The following SNX17 variants were observed in gnomAD, a reference collection of about 807,000 sequenced individuals.
SNX17 encodes sorting nexin-17.
In SNX17, 35 loss-of-function variants were observed where a neutral mutation model predicts 64.3. That is an observed-to-expected ratio of 0.54 (90% CI 0.42 to 0.72). The LOEUF is 0.72. SNX17 is among the 30% of genes least tolerant of loss of function. The probability of loss-of-function intolerance (pLI) is 0.00; values close to 1 mark genes in which losing one functional copy is unlikely to be tolerated. For missense variants in SNX17, 538 were observed against 610.0 expected, an observed-to-expected ratio of 0.88 and a Z score of 1.24; for synonymous variants, 259 against 230.2, an observed-to-expected ratio of 1.13 and a Z score of -1.13.
In SNX17 at chr2:27,376,368, T is replaced by C. The variant is rs1683227990; in HGVS notation, c.1238T>C (p.Val413Ala). The C allele has an allele frequency of 6.2e-7, 1 of 1,613,344 alleles. No homozygotes were observed. The highest frequency in any genetic ancestry group is 8.5e-7 in the Non-Finnish European group (1 of 1,179,602). Residue 413 changes from valine to alanine, a missense_variant, in exon 13 of 15, where the codon GTG becomes GCG. Physicochemically the swap from Val to Ala is moderately conservative, Grantham distance 64 (BLOSUM62 0). This residue lies in a region of SNX17 where 505 missense variants were observed against 550.4 expected (regional missense o/e 0.92). Transcript: ENST00000233575. The stretch of plus-strand genomic sequence containing the variant: ...AGACGCTCAGACAGCCAGCAAGCAG[T>C]GAAGTCCCCACCACTGCTTGTAAGT... ...TLRRSDSQQAVKSPPLLESPD... is the reference protein window; with the variant it reads ...TLRRSDSQQAAKSPPLLESPD...
chr2:27,371,305 C>T lies in SNX17; in HGVS notation c.100C>T (p.Arg34Trp). 1 of 1,613,426 alleles carries T rather than the reference C, an allele frequency of 6.2e-7. No homozygotes were observed. Among genetic ancestry groups the T allele is most frequent in the Non-Finnish European group, 8.5e-7 (1 of 1,179,946 alleles). ...TCACGTGAATGGAGTCCTGCACTGT[C>T]GGGTGCGCTACAGCCAGCTCCTGGG... Reference protein sequence around the residue: ...NIHVNGVLHCRVRYSQLLGLH... With the variant: ...NIHVNGVLHCWVRYSQLLGLH... Residue 34 changes from arginine to tryptophan, a missense_variant, in exon 2 of 15, where the codon CGG (arginine) becomes TGG (tryptophan). Physicochemically the swap from Arg to Trp is moderately radical, Grantham distance 101. This residue lies in a region of SNX17 where 6 missense variants were observed against 21.4 expected (regional missense o/e 0.28). Transcript: ENST00000233575.
rs1345579928 is a variant in SNX17 at position 27,373,939 on chromosome 2, C to A, written c.400C>A (p.Leu134Ile). The change falls in exon 5 of 15, where the codon CTA (leucine) becomes ATA (isoleucine). Residue 134 changes from leucine (L) to isoleucine (I), a missense_variant. Physicochemically the swap from Leu to Ile is conservative, Grantham distance 5. Around this residue, in one of 3 missense-constraint regions of SNX17, gnomAD observed 505 missense variants for 550.4 expected, o/e 0.92. Transcript: ENST00000233575. The part of the protein sequence containing the change: ...SNGQKVLVNV[L>I]TSDQTEDVLE... ...CGGGCAGAAAGTTCTGGTCAACGTG[C>A]TAACTTCAGATCAGACTGAGGATGT... is the stretch of plus-strand genomic sequence containing the variant. The A allele has an allele frequency of 4.3e-6, 7 of 1,614,184 alleles. No homozygotes were observed. The highest frequency in any genetic ancestry group is 5.9e-6 in the Non-Finnish European group (7 of 1,180,016).
At position 27,376,843 on chromosome 2, in the gene SNX17, C is replaced by T. The variant is rs1050510; in HGVS notation, c.*124C>T. Reference sequence around the variant, plus strand: ...TTCTTCTTTCCTACCTACCCCTTTTCTCTTGGCCAGGGGCCTCGTATCCTA... The same window carrying T: ...TTCTTCTTTCCTACCTACCCCTTTTTTCTTGGCCAGGGGCCTCGTATCCTA... On this transcript the variant is annotated 3_prime_UTR_variant, in exon 15 of 15. Transcript: ENST00000233575. 1.3e-6 allele frequency: 1 copy of T among 782,670 alleles called. No individual in the cohort carries two copies. The highest frequency in any genetic ancestry group is 2.7e-5 in the East Asian group (1 of 37,458). 48.5% of individuals were successfully genotyped at this position (782,670 alleles called of 1,614,324 possible).
chr2:27,371,805 CTCCT>C (rs1682597693), intron 2 of SNX17, among the ~76,000 whole-genome samples: 2 of 152,218 alleles, frequency 1.3e-5, no homozygotes, highest in African/African-American at 4.8e-5. Context: ...AATGTTTCTC[CTCCT>C]TCCTTACCAG....
chr2:27,377,120 T>C lies in SNX17; in HGVS notation c.*401T>C. 5 of 407,634 alleles carry C rather than the reference T, an allele frequency of 1.2e-5. No homozygotes were observed. The highest frequency in any genetic ancestry group is 2.3e-5 in the Non-Finnish European group (5 of 217,194). 25.3% of individuals were successfully genotyped at this position (407,634 alleles called of 1,614,324 possible). A position where few individuals can be genotyped will look rare whatever the true frequency, so the allele number is the denominator to read the frequency against. ...TCCCCATCATTAAACTCAGCCTGACTGCTGCCTACCTCTGGTTCCCTCTCA... is the reference window on the plus strand; with the variant it reads ...TCCCCATCATTAAACTCAGCCTGACCGCTGCCTACCTCTGGTTCCCTCTCA... On this transcript the variant is annotated 3_prime_UTR_variant, in exon 15 of 15. Transcript: ENST00000233575. The surrounding 1 kb of genome is among the most constrained non-coding windows in gnomAD (Gnocchi z 4.4).
At position 27,372,648 on chromosome 2, in the gene SNX17, T is replaced by C. The variant is rs200553935; in HGVS notation, c.164T>C (p.Val55Ala). Residue 55 changes from valine to alanine, a missense_variant, in exon 3 of 15, where the codon GTG (valine) becomes GCG (alanine). Val to Ala is a moderately conservative substitution (Grantham distance 64, BLOSUM62 0). Around this residue, in one of 3 missense-constraint regions of SNX17, gnomAD observed 505 missense variants for 550.4 expected, o/e 0.92. Coordinates refer to ENST00000233575, the MANE Select transcript of SNX17 (RefSeq NM_014748.4). ...EQLRKEYGAN[V>A]LPAFPPKKLF... Reference sequence around the variant, plus strand: ...CTTCGGAAGGAGTATGGGGCCAATGTGCTTCCTGCATTCCCCCCAAAGAAG... The same window carrying C: ...CTTCGGAAGGAGTATGGGGCCAATGCGCTTCCTGCATTCCCCCCAAAGAAG... The C allele has an allele frequency of 5.4e-5, 87 of 1,614,106 alleles. No homozygotes were observed. Among genetic ancestry groups the C allele is most frequent in the Middle Eastern group, 3.3e-4 (2 of 6,084 alleles).
chr2:27,376,330 G>T lies in SNX17; in HGVS notation c.1200G>T (p.Val400=), dbSNP rs143667368. ...GTCCCCAGATGCTGCGCCGGCGGGTGGGGGGTACTCTGAGACGCTCAGACA... is the reference window on the plus strand; with the variant it reads ...GTCCCCAGATGCTGCGCCGGCGGGTTGGGGGTACTCTGAGACGCTCAGACA... ...GSIRKMLRRR[V]GGTLRRSDSQ... Residue 400 remains valine, a synonymous_variant, in exon 13 of 15, where the codon GTG becomes GTT. Coordinates refer to ENST00000233575, the MANE Select transcript of SNX17 (RefSeq NM_014748.4). The T allele has an allele frequency of 3.4e-5, 55 of 1,611,512 alleles. No individual in the cohort carries two copies. The highest frequency in any genetic ancestry group is 4.0e-5 in the Non-Finnish European group (47 of 1,178,164).
Position 27,377,106 on chromosome 2 carries a change from A to C in SNX17, c.*387A>C. Reference sequence around the variant, plus strand: ...TGGTCTGGCCCAGTTCCCCATCATTAAACTCAGCCTGACTGCTGCCTACCT... The same window carrying C: ...TGGTCTGGCCCAGTTCCCCATCATTCAACTCAGCCTGACTGCTGCCTACCT... On this transcript the variant is annotated 3_prime_UTR_variant, in exon 15 of 15. Transcript: ENST00000233575. The surrounding 1 kb of genome is among the most constrained non-coding windows in gnomAD (Gnocchi z 4.4). The C allele has an allele frequency of 2.5e-6, 1 of 404,526 alleles. No individual in the cohort carries two copies. The allele number at this position is 404,526 out of a possible 1,614,324, so 25.1% of individuals were successfully genotyped here.
chr2:27,377,371 C>G lies in SNX17; in HGVS notation c.*652C>G. The G allele has an allele frequency of 1.3e-6, 1 of 742,354 alleles. No individual in the cohort carries two copies. The allele number at this position is 742,354 out of a possible 1,614,324, so 46.0% of individuals were successfully genotyped here. On this transcript the variant is annotated 3_prime_UTR_variant, in exon 15 of 15. Transcript: ENST00000233575. The surrounding 1 kb of genome is among the most constrained non-coding windows in gnomAD (Gnocchi z 4.4). ...AATACAGGGCCCTTCTCACTGAGCTCGTGAAGTGCCTCAGTCAAGGCAAGG... is the reference window on the plus strand; with the variant it reads ...AATACAGGGCCCTTCTCACTGAGCTGGTGAAGTGCCTCAGTCAAGGCAAGG...
In SNX17 at chr2:27,375,566, G is replaced by C. The variant is rs779040540; in HGVS notation, c.835G>C (p.Ala279Pro). ...YGYLRFDACV[A>P]DFPEKDCPVV... ...CTACTTGCGCTTTGATGCCTGTGTG[G>C]CTGACTTCCCAGAAAAGGACTGTCC... The change falls in exon 10 of 15, where the codon GCT becomes CCT. Residue 279 changes from alanine to proline, a missense_variant. Ala to Pro is a conservative substitution (Grantham distance 27, BLOSUM62 -1). Coordinates refer to ENST00000233575, the MANE Select transcript of SNX17 (RefSeq NM_014748.4). This position sits in a 1 kb window ranked among gnomAD's most constrained non-coding sequence, Gnocchi z 4.1. The C allele has an allele frequency of 6.2e-7, 1 of 1,614,196 alleles. No homozygotes were observed. The highest frequency in any genetic ancestry group is 1.1e-5 in the South Asian group (1 of 91,090).
intron 5 of SNX17, 47 bp from the exon 6 acceptor site, chr2:27,374,038 T>C (rs1682906095): frequency 5.6e-6 from 9 of 1,610,160 alleles, no homozygotes; most frequent in Middle Eastern, 3.3e-4. Flanking sequence ...TGGAGAATGA[T>C]TGGAACCAGC....
chr2:27,371,179 G>A, intron 1 of SNX17, 90 bp from the exon 2 acceptor site: 1 of 1,167,788 alleles, frequency 8.6e-7, no homozygotes, highest in Non-Finnish European at 1.3e-6. Context: ...GCGTTACTCC[G>A]GCGAGTTGCC....
In SNX17 at chr2:27,375,836, C is replaced by T. The variant is rs1489288212; in HGVS notation, c.979-10C>T. ...GAGTGAACTCAACCGAATTCCCCTT[C>T]CTCTCCCAGGTACCATTGCCCAGTG... On this transcript the variant is annotated splice_polypyrimidine_tract_variant and intron_variant, in intron 10 of 14. Coordinates refer to ENST00000233575, the MANE Select transcript of SNX17 (RefSeq NM_014748.4). The surrounding 1 kb of genome is among the most constrained non-coding windows in gnomAD (Gnocchi z 4.1). The T allele has an allele frequency of 2.5e-6, 4 of 1,613,464 alleles. No individual in the cohort carries two copies. The highest frequency in any genetic ancestry group is 3.3e-5 in the Admixed American group (2 of 59,990).
intron 4 of SNX17, 56 bp from the exon 5 acceptor site, chr2:27,373,805 T>C (rs1682879993): frequency 7.7e-7 from 1 of 1,300,044 alleles, no homozygotes; most frequent in Non-Finnish European, 1.1e-6. Flanking sequence ...GAGTTGGGCA[T>C]AGGTCAAGGC....
In SNX17 at chr2:27,373,903, C is replaced by T. The variant is rs759558257; in HGVS notation, c.364C>T (p.Leu122=). The change falls in exon 5 of 15, where the codon CTG becomes TTG. Residue 122 remains leucine, a synonymous_variant. Transcript: ENST00000233575. The part of the protein sequence containing the change: ...VPTEEVSLEV[L]LSNGQKVLVN... ...CACAGAGGAAGTGTCCTTGGAAGTGCTGCTCAGCAACGGGCAGAAAGTTCT... is the reference window on the plus strand; with the variant it reads ...CACAGAGGAAGTGTCCTTGGAAGTGTTGCTCAGCAACGGGCAGAAAGTTCT... 3.1e-6 allele frequency: 5 copies of T among 1,614,028 alleles called. No individual in the cohort carries two copies. The African/African-American group carries it at 6.7e-5, about 22-fold the overall frequency.
Position 27,374,185 on chromosome 2 carries a change from T to G in SNX17, c.523+10T>G. The stretch of plus-strand genomic sequence containing the variant: ...GATGGAGCCTTTTCTTGTGAGTTTC[T>G]CTGGACTTGACTGCAGTACAAGGGT... On this transcript the variant is annotated intron_variant, in intron 6 of 14. Coordinates refer to ENST00000233575, the MANE Select transcript of SNX17 (RefSeq NM_014748.4). 1 of 1,612,756 alleles carries G rather than the reference T, an allele frequency of 6.2e-7. No individual in the cohort carries two copies. Among genetic ancestry groups the G allele is most frequent in the Non-Finnish European group, 8.5e-7 (1 of 1,179,208 alleles).
chr2:27,375,757 G>A lies in SNX17; in HGVS notation c.978+48G>A, dbSNP rs774223237. On this transcript the variant is annotated intron_variant, in intron 10 of 14. Coordinates refer to ENST00000233575, the MANE Select transcript of SNX17 (RefSeq NM_014748.4). The surrounding 1 kb of genome is among the most constrained non-coding windows in gnomAD (Gnocchi z 4.1). Reference sequence around the variant, plus strand: ...AGGGCCTGGGTTGGGGGCCCGGCAAGCCTTGAGCTTAGGTATGGGCTGCAG... The same window carrying A: ...AGGGCCTGGGTTGGGGGCCCGGCAAACCTTGAGCTTAGGTATGGGCTGCAG... 6.2e-7 allele frequency: 1 copy of A among 1,611,746 alleles called. No individual in the cohort carries two copies. The highest frequency in any genetic ancestry group is 8.5e-7 in the Non-Finnish European group (1 of 1,179,040).
At position 27,376,679 on chromosome 2, in the gene SNX17, G is replaced by A. The variant is rs267599317; in HGVS notation, c.1373G>A (p.Gly458Asp). The stretch of plus-strand genomic sequence containing the variant: ...GATGCCAGTGCCAGTGATGTCCACG[G>A]CAATTTCGCCTTCGAGGGCATTGGA... ...STDASASDVH[G>D]NFAFEGIGDE... Residue 458 changes from glycine to aspartate, a missense_variant, in exon 15 of 15, where the codon GGC becomes GAC. Physicochemically the swap from Gly to Asp is moderately conservative, Grantham distance 94. Coordinates refer to ENST00000233575, the MANE Select transcript of SNX17 (RefSeq NM_014748.4). 6.2e-7 allele frequency: 1 copy of A among 1,614,086 alleles called. No homozygotes were observed. The highest frequency in any genetic ancestry group is 8.5e-7 in the Non-Finnish European group (1 of 1,180,042).
At chr2:27,374,479 G>C (rs749794470) in intron 7 of SNX17, 46 bp downstream of exon 7, 2 of 1,540,892 alleles carry the variant, frequency 1.3e-6, no homozygotes, top group African/African-American at 1.4e-5. Flanking sequence ...TGCTGTGCTG[G>C]ATTGGATTAT....
Sources: allele counts gnomAD v4.1 joint callset (sites outside exome capture counted in the v4.1 genomes callset), GRCh38; gene constraint gnomAD v4.1.1; regional missense constraint gnomAD v4.1.1; non-coding constraint Gnocchi (gnomAD v3.1); transcripts MANE v1.5; gene names NCBI Gene and HGNC (gene_info 2026-07-23, HGNC 2026-07-21).